RABGAP1L: variants seen among roughly 807,000 people sequenced by gnomAD.
RABGAP1L encodes rab GTPase-activating protein 1-like.
Under a neutral mutation model 137.7 loss-of-function variants are expected in RABGAP1L, and 63 were observed. That is an observed-to-expected ratio of 0.46 (90% CI 0.37 to 0.56). The LOEUF (loss-of-function observed/expected upper bound fraction) is 0.56. RABGAP1L is among the 20% of genes least tolerant of loss of function. The pLI, the probability that RABGAP1L is intolerant of heterozygous loss-of-function variation, is 0.00. For synonymous variants in RABGAP1L, 431 were observed against 433.7 expected (o/e 0.99, Z 0.08); for missense variants, 1,095 against 1,244.0 (o/e 0.88, Z 1.80).
intron 19 of RABGAP1L, among the ~76,000 whole-genome samples, chr1:174,881,308 A>G (rs913249623): frequency 2.6e-5 from 4 of 152,084 alleles, no homozygotes; most frequent in African/African-American, 9.7e-5. Flanking sequence ...ATAGAAACAC[A>G]TAATATTGTT....
At chr1:174,537,508 G>A (rs138912388) in intron 13 of RABGAP1L, among the ~76,000 whole-genome samples, 3 of 151,886 alleles carry the variant, frequency 2.0e-5, no homozygotes, top group African/African-American at 7.3e-5. Context: ...ATCAAGTCTG[G>A]TCTGTATTTT....
intron 1 of RABGAP1L, among the ~76,000 whole-genome samples, chr1:174,199,922 G>T (rs994406320): frequency 3.9e-5 from 6 of 152,098 alleles, no homozygotes; most frequent in African/African-American, 1.4e-4. Context: ...TACTTTCTTA[G>T]GTTCTCTCTA....
chr1:174,896,521 A>G (rs1364856086), intron 19 of RABGAP1L, among the ~76,000 whole-genome samples: 1 of 152,152 alleles, frequency 6.6e-6, no homozygotes, highest in African/African-American at 2.4e-5. Context: ...GCCCATGCCT[A>G]TGTCCTGAAT....
chr1:174,391,933 A>G (rs1196216493), intron 12 of RABGAP1L, among the ~76,000 whole-genome samples: 1 of 152,214 alleles, frequency 6.6e-6, no homozygotes, highest in Non-Finnish European at 1.5e-5. Flanking sequence ...ATTCAACAGT[A>G]TAATCACAGC....
intron 13 of RABGAP1L, among the ~76,000 whole-genome samples, chr1:174,575,054 C>T (rs138879359): frequency 0.014 from 2,185 of 152,272 alleles, 21 homozygotes; most frequent in Admixed American, 0.024. Context: ...CCTCAGCCTT[C>T]CGAGTAGCTG....
intron 13 of RABGAP1L, among the ~76,000 whole-genome samples, chr1:174,584,121 C>A (rs1319343668): frequency 6.6e-6 from 1 of 152,118 alleles, no homozygotes; most frequent in Non-Finnish European, 1.5e-5. Context: ...GTCCCAAAAT[C>A]ATCTTGGATA....
chr1:174,872,586 G>A (rs2149058377), intron 19 of RABGAP1L, among the ~76,000 whole-genome samples: 1 of 150,642 alleles, frequency 6.6e-6, no homozygotes, highest in East Asian at 1.9e-4. Flanking sequence ...TTAAGAGGCA[G>A]CATCTTATTC....
intron 13 of RABGAP1L, among the ~76,000 whole-genome samples, chr1:174,587,003 G>T (rs1188411823): frequency 3.3e-5 from 5 of 151,736 alleles, no homozygotes; most frequent in African/African-American, 1.2e-4. Context: ...GCGGTGTTTG[G>T]TTTTTTGTTC....
chr1:174,209,268 T>C (rs1156953894), intron 1 of RABGAP1L, among the ~76,000 whole-genome samples: 1 of 152,054 alleles, frequency 6.6e-6, no homozygotes, highest in Non-Finnish European at 1.5e-5. Flanking sequence ...GGGTTGGGGA[T>C]GAGGTAGAGC....
At chr1:174,645,402 C>A (rs1313521069) in intron 14 of RABGAP1L, among the ~76,000 whole-genome samples, 1 of 150,984 alleles carries the variant, frequency 6.6e-6, no homozygotes, top group Non-Finnish European at 1.5e-5. Flanking sequence ...CCCCACCCCC[C>A]AACAGGCCCC....
rs1679596752 is a variant in RABGAP1L at position 174,318,379 on chromosome 1, G to C, written c.1465+13252G>C. ...TTTTTAGGTAAAGTGAGTCTCAGGTGAGTTTCAGGTAAACTTTTCTCCTTA... is the reference window on the plus strand; with the variant it reads ...TTTTTAGGTAAAGTGAGTCTCAGGTCAGTTTCAGGTAAACTTTTCTCCTTA... On this transcript the variant is annotated intron_variant, in intron 11 of 25. Coordinates refer to ENST00000681986, the MANE Select transcript of RABGAP1L (RefSeq NM_001366446.1). 2.0e-5 allele frequency among the ~76,000 whole-genome samples: 3 copies of C among 152,134 alleles called. No homozygotes were observed. In the South Asian group the frequency reaches 6.2e-4, roughly 31 times the overall value.
At chr1:174,584,179 A>G (rs1399993779) in intron 13 of RABGAP1L, among the ~76,000 whole-genome samples, 3 of 152,184 alleles carry the variant, frequency 2.0e-5, no homozygotes, top group East Asian at 1.9e-4. Flanking sequence ...AACTCTGGCA[A>G]TGTCAACATA....
At chr1:174,354,254 C>A (rs1683432790) in intron 11 of RABGAP1L, among the ~76,000 whole-genome samples, 1 of 150,544 alleles carries the variant, frequency 6.6e-6, no homozygotes, top group African/African-American at 2.4e-5. Flanking sequence ...TTTTTAAATT[C>A]AATTTAATTT....
At chr1:174,300,856 A>C (rs747899176) in intron 10 of RABGAP1L, among the ~76,000 whole-genome samples, 4 of 152,100 alleles carry the variant, frequency 2.6e-5, no homozygotes, top group Non-Finnish European at 5.9e-5. Flanking sequence ...ACAGAGTGAG[A>C]CTCTATCTCA....
chr1:174,453,736 G>A (rs1422120990), intron 13 of RABGAP1L, among the ~76,000 whole-genome samples: 1 of 152,188 alleles, frequency 6.6e-6, no homozygotes, highest in East Asian at 1.9e-4. Context: ...AAAATTGCTA[G>A]AGTAGAGAAA....
At position 174,221,075 on chromosome 1, in the gene RABGAP1L, G is replaced by T; in HGVS notation, c.242G>T (p.Ser81Ile). The T allele has an allele frequency of 6.2e-7, 1 of 1,613,956 alleles. No individual in the cohort carries two copies. Residue 81 changes from serine (S) to isoleucine (I), a missense_variant, in exon 3 of 26, where the codon AGT becomes ATT. Around this residue, in one of 4 missense-constraint regions of RABGAP1L, gnomAD observed 356 missense variants for 326.3 expected, o/e 1.09. Coordinates refer to ENST00000681986, the MANE Select transcript of RABGAP1L (RefSeq NM_001366446.1). The stretch of plus-strand genomic sequence containing the variant: ...CTTCTTGTTGATTGTCAAAGTTCCA[G>T]TGAGATTTCAGACCATTCGTTTGGA... ...SSLLVDCQSSSEISDHSFGDI... is the reference protein window; with the variant it reads ...SSLLVDCQSSIEISDHSFGDI...
chr1:174,400,235 T>C (rs1648404206), intron 13 of RABGAP1L, among the ~76,000 whole-genome samples: 1 of 152,206 alleles, frequency 6.6e-6, no homozygotes, highest in African/African-American at 2.4e-5. Flanking sequence ...TTTATACCTT[T>C]TAATGCCTGT....
intron 19 of RABGAP1L, among the ~76,000 whole-genome samples, chr1:174,854,986 C>G (rs369397461): frequency 8.1e-4 from 123 of 152,038 alleles, no homozygotes; most frequent in Admixed American, 2.3e-3. Flanking sequence ...GATCCACCCG[C>G]CTCGGCTTCC....
intron 12 of RABGAP1L, among the ~76,000 whole-genome samples, chr1:174,384,020 A>C (rs894482089): frequency 1.3e-5 from 2 of 152,164 alleles, no homozygotes; most frequent in African/African-American, 4.8e-5. Context: ...CCAAACTGCA[A>C]ACAACCCAAA....
Sources: allele counts gnomAD v4.1 joint callset (sites outside exome capture counted in the v4.1 genomes callset), GRCh38; gene constraint gnomAD v4.1.1; regional missense constraint gnomAD v4.1.1; transcripts MANE v1.5; gene names NCBI Gene and HGNC (gene_info 2026-07-23, HGNC 2026-07-21).